CNTN5: variants seen among roughly 807,000 people sequenced by gnomAD.
The protein encoded by CNTN5 is contactin-5.
In CNTN5, 77 loss-of-function variants were observed where a neutral mutation model predicts 129.1. The observed-to-expected ratio is 0.60, with a 90% CI of 0.50 to 0.72. CNTN5 has a LOEUF of 0.72. CNTN5 is among the 30% of genes least tolerant of loss of function. The pLI is 0.00. For synonymous variants in CNTN5, 509 were observed against 465.6 expected, an observed-to-expected ratio of 1.09 and a Z score of -1.20; for missense variants, 1,478 against 1,328.8, an observed-to-expected ratio of 1.11 and a Z score of -1.75.
At chr11:99,757,949 C>T (rs1944457611) in intron 3 of CNTN5, among the ~76,000 whole-genome samples, 1 of 152,024 alleles carries the variant, frequency 6.6e-6, no homozygotes, top group South Asian at 2.1e-4. Context: ...GATTATTATA[C>T]AGAATTACAG....
chr11:100,031,970 TTG>T (rs1941735465), intron 9 of CNTN5, among the ~76,000 whole-genome samples: 1 of 152,118 alleles, frequency 6.6e-6, no homozygotes, highest in Non-Finnish European at 1.5e-5. Flanking sequence ...TTTCACTGTC[TTG>T]TGTGTGTCTA....
chr11:99,968,119 G>A (rs1400636390), intron 8 of CNTN5, among the ~76,000 whole-genome samples: 6 of 151,768 alleles, frequency 4.0e-5, no homozygotes, highest in African/African-American at 1.5e-4. Flanking sequence ...AGTCCATGTG[G>A]GATCTTTCCC....
At chr11:99,759,711 AAG>A (rs1451301967) in intron 3 of CNTN5, among the ~76,000 whole-genome samples, 2 of 151,256 alleles carry the variant, frequency 1.3e-5, no homozygotes, top group Non-Finnish European at 3.0e-5. Context: ...GAGGGAGGGA[AAG>A]AGAGAAGGAG....
At chr11:99,940,022 T>G (rs1488071609) in intron 7 of CNTN5, among the ~76,000 whole-genome samples, 3 of 152,192 alleles carry the variant, frequency 2.0e-5, no homozygotes, top group Non-Finnish European at 4.4e-5. Flanking sequence ...AGGAATGATT[T>G]TACCGTCAGG....
At chr11:99,180,855 T>C (rs566211720) in intron 1 of CNTN5, among the ~76,000 whole-genome samples, 1 of 152,160 alleles carries the variant, frequency 6.6e-6, no homozygotes, top group Non-Finnish European at 1.5e-5. Flanking sequence ...TTGTGAGAAT[T>C]GCCAGTGATA....
chr11:99,317,485 T>C (rs999212176), intron 1 of CNTN5, among the ~76,000 whole-genome samples: 1 of 151,976 alleles, frequency 6.6e-6, no homozygotes, highest in Non-Finnish European at 1.5e-5. Context: ...GAGAAACGAG[T>C]TCAGACGATA....
intron 15 of CNTN5, among the ~76,000 whole-genome samples, chr11:100,217,383 T>C (rs1168555041): frequency 6.6e-6 from 1 of 152,184 alleles, no homozygotes. Flanking sequence ...ATATTTGTGA[T>C]TTTCTGTCTA....
At chr11:100,266,314 G>A (rs771452965) in intron 17 of CNTN5, among the ~76,000 whole-genome samples, 7 of 152,030 alleles carry the variant, frequency 4.6e-5, no homozygotes, top group Non-Finnish European at 1.0e-4. Flanking sequence ...GTCTTCCACT[G>A]TCTTTCGTTG....
chr11:99,038,045 C>T (rs772511718), intron 1 of CNTN5, among the ~76,000 whole-genome samples: 1 of 151,924 alleles, frequency 6.6e-6, no homozygotes, highest in African/African-American at 2.4e-5. Context: ...ACATTCTGCT[C>T]TAAATAATAT....
chr11:100,018,136 T>A lies in CNTN5; in HGVS notation c.980+16000T>A, dbSNP rs551065673. 3.9e-5 allele frequency among the ~76,000 whole-genome samples: 6 copies of A among 152,164 alleles called. 1 individual carries two copies. In the Middle Eastern group the frequency reaches 0.017, roughly 431 times the overall value. ...TAAAGTATTTCTTCAGGCATCTTTT[T>A]AAAAGCTTTATTGCCATATAATTGG... On this transcript the variant is annotated intron_variant, in intron 9 of 24. Coordinates refer to ENST00000524871, the MANE Select transcript of CNTN5 (RefSeq NM_014361.4).
chr11:99,889,442 T>G (rs1948998484), intron 6 of CNTN5, among the ~76,000 whole-genome samples: 1 of 151,194 alleles, frequency 6.6e-6, no homozygotes, highest in South Asian at 2.1e-4. Flanking sequence ...ACACATAAAA[T>G]AGATTTTATA....
intron 9 of CNTN5, among the ~76,000 whole-genome samples, chr11:100,027,419 A>T (rs181980992): frequency 6.6e-6 from 1 of 152,252 alleles, no homozygotes; most frequent in Admixed American, 6.5e-5. Flanking sequence ...TAAGGTTAAG[A>T]CCTTTCTTAG....
intron 1 of CNTN5, among the ~76,000 whole-genome samples, chr11:99,233,773 C>T (rs573649109): frequency 6.6e-6 from 1 of 152,102 alleles, no homozygotes; most frequent in East Asian, 1.9e-4. Context: ...CGGTGAAACC[C>T]ATCTCTACTA....
rs1225332987 is a variant in CNTN5, at chr11:99,147,643, C to G, written c.-210+126373C>G. Among the ~76,000 whole-genome samples the G allele has an allele frequency of 4.6e-5, 7 of 152,206 alleles. No individual in the cohort carries two copies. The East Asian group carries it at 1.4e-3, about 29-fold the overall frequency. On this transcript the variant is annotated intron_variant, in intron 1 of 24. Transcript: ENST00000524871. ...GAACTTCTGCTGTCCTTTTCCCTAC[C>G]AGGACAACAATTTTCCATGCTGAGC...
chr11:99,681,295 A>C (rs1291815718), intron 3 of CNTN5, among the ~76,000 whole-genome samples: 1 of 152,038 alleles, frequency 6.6e-6, no homozygotes, highest in African/African-American at 2.4e-5. Context: ...CCTTACAGTG[A>C]GTAAAATGCT....
rs765461326 is a variant in CNTN5 at position 100,071,802 on chromosome 11, C to T, written c.1397C>T (p.Ala466Val). 3 of 1,607,588 alleles carry T rather than the reference C, an allele frequency of 1.9e-6. No homozygotes were observed. Among genetic ancestry groups the T allele is most frequent in the South Asian group, 2.2e-5 (2 of 89,882 alleles). Residue 466 changes from alanine (A) to valine (V), a missense_variant, in exon 12 of 25, where the codon GCC (alanine) becomes GTC (valine). Ala to Val is a moderately conservative substitution (Grantham distance 64, BLOSUM62 0). Coordinates refer to ENST00000524871, the MANE Select transcript of CNTN5 (RefSeq NM_014361.4). ...TGTTTGGCTGAAAATAAGTATGGAG[C>T]CATTTACGCTAGTGCTGAGCTGAAG... ...YQCLAENKYG[A>V]IYASAELKIL...
chr11:99,820,977 C>G (rs144213911), intron 4 of CNTN5, among the ~76,000 whole-genome samples: 1 of 152,186 alleles, frequency 6.6e-6, no homozygotes. Flanking sequence ...AGCATTGTCT[C>G]GTAGTGTTGG....
chr11:99,650,152 T>C (rs754640843), intron 3 of CNTN5, among the ~76,000 whole-genome samples: 2 of 151,888 alleles, frequency 1.3e-5, no homozygotes, highest in African/African-American at 2.4e-5. Flanking sequence ...ACATTATTAC[T>C]CAAGTTGAAT....
intron 1 of CNTN5, among the ~76,000 whole-genome samples, chr11:99,066,350 T>C (rs1470519640): frequency 1.3e-5 from 2 of 152,116 alleles, no homozygotes; most frequent in Non-Finnish European, 2.9e-5. Context: ...GCAGTCTGCC[T>C]GCCTTGACCT....
Sources: gnomAD v4.1 joint callset for allele counts (sites outside exome capture counted in the v4.1 genomes callset) on GRCh38, gnomAD v4.1.1 for gene constraint, MANE v1.5 for transcripts, NCBI Gene and HGNC (gene_info 2026-07-23, HGNC 2026-07-21) for gene names.